PPP1R1C: variants seen among roughly 807,000 people sequenced by gnomAD.
The protein encoded by PPP1R1C is protein phosphatase 1 regulatory inhibitor subunit 1C, also known as protein phosphatase 1 regulatory subunit 1C.
PPP1R1C carries 15 observed loss-of-function variants against 17.4 expected under a neutral mutation model. The ratio of observed to expected loss-of-function variants is 0.86; its 90% CI spans 0.58 to 1.33. The LOEUF (loss-of-function observed/expected upper bound fraction) is 1.33, where lower values mean the gene tolerates loss of function less well. Ranked by LOEUF, PPP1R1C falls within the 40% of genes most tolerant of loss-of-function variation. The probability of loss-of-function intolerance (pLI) is 0.00; values close to 1 mark genes in which losing one functional copy is unlikely to be tolerated. For missense variants in PPP1R1C, 143 were observed against 130.0 expected, an observed-to-expected ratio of 1.10 and a Z score of -0.48; for synonymous variants, 35 against 43.1, an observed-to-expected ratio of 0.81 and a Z score of 0.73.
chr2:182,020,099 G>C (rs1164440477), intron 2 of PPP1R1C, among the ~76,000 whole-genome samples: 1 of 152,208 alleles, frequency 6.6e-6, no homozygotes, highest in Non-Finnish European at 1.5e-5. Context: ...CAGAGGAGCA[G>C]GAGATTGCTG....
chr2:182,028,070 T>C lies in PPP1R1C; in HGVS notation c.143-33372T>C, dbSNP rs1226639557. On this transcript the variant is annotated intron_variant, in intron 2 of 4. Transcript: ENST00000682840. The stretch of plus-strand genomic sequence containing the variant: ...ATCGGTGGTGATATCCCCTTTATCA[T>C]TTTTTATTGTGTCTATTTGATTCTT... Among the ~76,000 whole-genome samples the C allele has an allele frequency of 2.2e-5, 3 of 135,360 alleles. No homozygotes were observed. In the Admixed American group the frequency reaches 2.3e-4, roughly 11 times the overall value. 88.8% of individuals were successfully genotyped at this position (135,360 alleles called of 152,430 possible).
In PPP1R1C at chr2:182,061,617, A is replaced by G. The variant is rs546264126; in HGVS notation, c.180+138A>G. 22 of 474,298 alleles carry G rather than the reference A, an allele frequency of 4.6e-5. No individual in the cohort carries two copies. In the South Asian group the frequency reaches 1.0e-3, roughly 22 times the overall value. The allele number at this position is 474,298 out of a possible 1,614,324, so 29.4% of individuals were successfully genotyped here. On this transcript the variant is annotated intron_variant, in intron 3 of 4. Coordinates refer to ENST00000682840, the MANE Select transcript of PPP1R1C (RefSeq NM_001080545.3). The stretch of plus-strand genomic sequence containing the variant: ...TGCTCCTTCTGACTGAATAAACAGT[A>G]ATATAGTGTCATTAAAATCTCTGCC...
Position 182,117,401 on chromosome 2 carries a change from C to G in PPP1R1C, c.*106C>G, listed in dbSNP as rs1014261107. ...TGACTTCCAGAAGCATCCTCCATCT[C>G]TGCACCCCACACTCATACAGTAGCT... On this transcript the variant is annotated 3_prime_UTR_variant, in exon 5 of 5. Transcript: ENST00000682840. 5.3e-6 allele frequency: 4 copies of G among 759,134 alleles called. No homozygotes were observed. In the African/African-American group the frequency reaches 7.1e-5, roughly 14 times the overall value. The allele number at this position is 759,134 out of a possible 1,614,324, so 47.0% of individuals were successfully genotyped here. A position where few individuals can be genotyped will look rare whatever the true frequency, so the allele number is the denominator to read the frequency against.
chr2:181,963,411 C>A (rs533040203), intron 1 of PPP1R1C, among the ~76,000 whole-genome samples: 1 of 152,126 alleles, frequency 6.6e-6, no homozygotes, highest in African/African-American at 2.4e-5. Context: ...GGGGCCGAAG[C>A]GGGTGGACCA....
chr2:182,104,839 T>C (rs903630180), intron 4 of PPP1R1C, among the ~76,000 whole-genome samples: 7 of 152,212 alleles, frequency 4.6e-5, no homozygotes, highest in South Asian at 2.1e-4. Flanking sequence ...AGTTTGGTAT[T>C]AGTTGTTTAA....
chr2:182,110,733 C>T (rs917362730), intron 4 of PPP1R1C, among the ~76,000 whole-genome samples: 2 of 152,194 alleles, frequency 1.3e-5, no homozygotes, highest in African/African-American at 4.8e-5. Flanking sequence ...TCCTGCTGAT[C>T]GATGCATTCT....
chr2:181,996,824 T>C (rs1200219805), intron 2 of PPP1R1C, among the ~76,000 whole-genome samples: 1 of 152,172 alleles, frequency 6.6e-6, no homozygotes, highest in African/African-American at 2.4e-5. Context: ...ATGCACAACA[T>C]AGAAGAATGA....
chr2:181,984,397 T>C (rs887625128), upstream of PPP1R1C, among the ~76,000 whole-genome samples: 3 of 152,252 alleles, frequency 2.0e-5, no homozygotes, highest in Non-Finnish European at 2.9e-5. Flanking sequence ...TCCTTTTATA[T>C]AATTTGAAGA....
chr2:182,108,466 G>C (rs1004936106), intron 4 of PPP1R1C, among the ~76,000 whole-genome samples: 1 of 151,588 alleles, frequency 6.6e-6, no homozygotes, highest in African/African-American at 2.4e-5. Context: ...CCTTTCTCGG[G>C]GATCTTCAAC....
At chr2:182,020,736 G>C (rs1686397399) in intron 2 of PPP1R1C, among the ~76,000 whole-genome samples, 2 of 152,080 alleles carry the variant, frequency 1.3e-5, no homozygotes, top group Non-Finnish European at 2.9e-5. Flanking sequence ...TATCTTAAGA[G>C]AAAGAAAAAG....
intron 5 of PPP1R1C, among the ~76,000 whole-genome samples, chr2:182,126,044 C>A (rs939138410): frequency 1.3e-5 from 2 of 152,032 alleles, no homozygotes; most frequent in African/African-American, 4.8e-5. Context: ...CTAATGTGGG[C>A]ATTTAGGGAA....
chr2:182,113,063 G>T (rs1349214238), intron 4 of PPP1R1C, among the ~76,000 whole-genome samples: 1 of 152,098 alleles, frequency 6.6e-6, no homozygotes, highest in Non-Finnish European at 1.5e-5. Flanking sequence ...GATCTGCAAG[G>T]TTACGTGTTC....
At chr2:182,109,611 T>C (rs1689358528) in intron 4 of PPP1R1C, among the ~76,000 whole-genome samples, 1 of 152,202 alleles carries the variant, frequency 6.6e-6, no homozygotes, top group African/African-American at 2.4e-5. Context: ...CTGTCTTTGC[T>C]CCATTGTATT....
intron 1 of PPP1R1C, among the ~76,000 whole-genome samples, chr2:181,972,336 C>T (rs959958785): frequency 1.1e-4 from 16 of 152,126 alleles, no homozygotes; most frequent in South Asian, 8.3e-4. Context: ...GTGTGATGTA[C>T]GAAAAATGGC....
chr2:182,117,402 T>G lies in PPP1R1C; in HGVS notation c.*107T>G. 1.3e-6 allele frequency: 1 copy of G among 759,442 alleles called. No individual in the cohort carries two copies. The highest frequency in any genetic ancestry group is 1.8e-5 in the South Asian group (1 of 56,864). The allele number at this position is 759,442 out of a possible 1,614,324, so 47.0% of individuals were successfully genotyped here. On this transcript the variant is annotated 3_prime_UTR_variant, in exon 5 of 5. Transcript: ENST00000682840. ...GACTTCCAGAAGCATCCTCCATCTC[T>G]GCACCCCACACTCATACAGTAGCTA...
intron 2 of PPP1R1C, among the ~76,000 whole-genome samples, chr2:181,999,784 A>C (rs545795772): frequency 3.4e-4 from 52 of 152,122 alleles, no homozygotes; most frequent in African/African-American, 9.9e-4. Context: ...TAAAAACAAA[A>C]AAAAAAAGAT....
chr2:182,107,841 G>A (rs1369470755), intron 4 of PPP1R1C, among the ~76,000 whole-genome samples: 3 of 151,918 alleles, frequency 2.0e-5, no homozygotes, highest in Non-Finnish European at 4.4e-5. Flanking sequence ...CCCACCATGA[G>A]GTCTTCTCGC....
intron 4 of PPP1R1C, chr2:182,103,827 G>A (rs992095532): frequency 6.6e-6 from 1 of 152,198 alleles, no homozygotes; most frequent in Non-Finnish European, 1.5e-5. Context: ...CACAGAGTAA[G>A]TAGAAGCAAA....
chr2:182,119,117 A>G (rs1689663904), downstream of PPP1R1C, among the ~76,000 whole-genome samples: 1 of 150,166 alleles, frequency 6.7e-6, no homozygotes, highest in African/African-American at 2.5e-5. Context: ...GTGTGTTCTC[A>G]CTGTTCAATT....
Sources: gnomAD v4.1 joint callset for allele counts (sites outside exome capture counted in the v4.1 genomes callset) on GRCh38, gnomAD v4.1.1 for gene constraint, MANE v1.5 for transcripts, NCBI Gene and HGNC (gene_info 2026-07-23, HGNC 2026-07-21) for gene names.